Variants in COL4A4 observed in about 807,000 individuals in gnomAD.
COL4A4 encodes the protein collagen alpha-4(IV) chain.
Under a neutral mutation model 192.9 loss-of-function variants are expected in COL4A4, and 105 were observed. That is an observed-to-expected ratio of 0.54 (90% CI 0.46 to 0.64). COL4A4 has a LOEUF of 0.64. COL4A4 is among the 30% of genes least tolerant of loss of function. The pLI is 0.00. For missense variants in COL4A4, 1,967 were observed against 2,169.3 expected (o/e 0.91, Z 1.85); for synonymous variants, 762 against 769.9 (o/e 0.99, Z 0.17).
At chr2:227,115,059 T>G (rs1922020) in intron 7 of COL4A4, among the ~76,000 whole-genome samples, 66,808 of 147,186 alleles carry the variant, frequency 0.45, 15,419 homozygotes, top group East Asian at 0.7. Context: ...TATATATATA[T>G]AGAGAGAGAG....
chr2:226,974,504 T>C, the COL4A4 span, among the ~76,000 whole-genome samples: 121 of 152,350 alleles, frequency 7.9e-4, no homozygotes, highest in African/African-American at 2.8e-3. Context: ...CCCAAAGTGC[T>C]GGGATTACAG....
chr2:227,070,725 G>T (rs71353895), intron 25 of COL4A4, among the ~76,000 whole-genome samples: 19,113 of 126,608 alleles, frequency 0.15, 1,409 homozygotes, highest in African/African-American at 0.25. Context: ...GTTGTGGGGT[G>T]GGGGGAGGGG....
At position 227,121,575 on chromosome 2, in the gene COL4A4, AAG is replaced by A. The variant is rs1553697703; in HGVS notation, c.193-429_193-428del. ...AGACCCTATCTCAAAAAAAAAAAAAAAGAAAAGAAAAGAAAGACAAGAAAAGA... is the reference window on the plus strand; with the variant it reads ...AGACCCTATCTCAAAAAAAAAAAAAAAAAAGAAAAGAAAGACAAGAAAAGA... On this transcript the variant is annotated intron_variant, in intron 4 of 47. Transcript: ENST00000396625. 6.9e-5 allele frequency among the ~76,000 whole-genome samples: 7 copies of A among 101,520 alleles called. 2 individuals carry two copies. Among genetic ancestry groups the A allele is most frequent in the Admixed American group, 4.8e-4 (5 of 10,486 alleles). The allele number at this position is 101,520 out of a possible 152,430, so 66.6% of individuals were successfully genotyped here.
At chr2:227,126,997 G>T (rs1438318843) in intron 4 of COL4A4, among the ~76,000 whole-genome samples, 1 of 152,070 alleles carries the variant, frequency 6.6e-6, no homozygotes, top group African/African-American at 2.4e-5. Flanking sequence ...ATAATCACAG[G>T]AATTTTGCAT....
At chr2:227,141,980 T>A (rs1175177840) in intron 3 of COL4A4, among the ~76,000 whole-genome samples, 1 of 151,610 alleles carries the variant, frequency 6.6e-6, no homozygotes, top group East Asian at 1.9e-4. Context: ...GATGGCTTGA[T>A]AATAAGGGCA....
At chr2:226,994,080 C>T in the COL4A4 span, among the ~76,000 whole-genome samples, 1 of 152,182 alleles carries the variant, frequency 6.6e-6, no homozygotes, top group Non-Finnish European at 1.5e-5. Flanking sequence ...CTTTTGAGAG[C>T]TGGACTGCGG....
At chr2:227,103,937 T>C (rs754182846) in intron 13 of COL4A4, 35 bp downstream of exon 13, 1 of 1,524,504 alleles carries the variant, frequency 6.6e-7, no homozygotes, top group Admixed American at 1.7e-5. Context: ...TTTCTACTGC[T>C]ACTTTCCAAG....
In COL4A4 at chr2:227,140,143, G is replaced by C. The variant is rs1460903210; in HGVS notation, c.192+18C>G. 8 of 1,602,476 alleles carry C rather than the reference G, an allele frequency of 5.0e-6. No individual in the cohort carries two copies. The highest frequency in any genetic ancestry group is 2.7e-5 in the African/African-American group (2 of 74,694). ...AAAATTCAGGAATGCTGCCCATGTT[G>C]GTCTTTACATCACTTACCCGAGACC... On this transcript the variant is annotated intron_variant, in intron 4 of 47. Transcript: ENST00000396625.
chr2:227,080,707 G>C (rs1029788152), intron 23 of COL4A4, among the ~76,000 whole-genome samples, 158 bp from the exon 24 acceptor site: 24 of 152,284 alleles, frequency 1.6e-4, no homozygotes, highest in African/African-American at 5.8e-4. Context: ...AAGCCAGAGG[G>C]GAGAATGACA....
intron 16 of COL4A4, 27 bp from the exon 17 acceptor site, chr2:227,101,584 A>AG: frequency 1.3e-6 from 2 of 1,594,804 alleles, no homozygotes; most frequent in Non-Finnish European, 1.7e-6. Context: ...ACATGCCTTA[A>AG]AAAAAAAAAG....
chr2:227,143,404 T>C (rs1161328017), intron 3 of COL4A4, among the ~76,000 whole-genome samples: 4 of 152,202 alleles, frequency 2.6e-5, no homozygotes, highest in Admixed American at 6.5e-5. Context: ...GGATGGGTAA[T>C]ACCAAATCGC....
At chr2:227,094,044 T>TA (rs1043041429) in intron 20 of COL4A4, 81 bp downstream of exon 20, 2 of 1,350,592 alleles carry the variant, frequency 1.5e-6, no homozygotes, top group African/African-American at 1.5e-5. Flanking sequence ...TAAAATATTT[T>TA]AAAAACTATG....
chr2:227,031,708 G>A (rs1046129916), intron 40 of COL4A4, among the ~76,000 whole-genome samples: 48 of 152,130 alleles, frequency 3.2e-4, no homozygotes, highest in African/African-American at 1.1e-3. Context: ...CTGAAGAGAC[G>A]AGGGTCTAAC....
intron 25 of COL4A4, among the ~76,000 whole-genome samples, chr2:227,068,326 C>G (rs2058480603): frequency 6.6e-6 from 1 of 152,144 alleles, no homozygotes; most frequent in South Asian, 2.1e-4. Flanking sequence ...TGAAACTATT[C>G]CAATCAATAG....
At chr2:227,103,107 C>T (rs2060616628) in intron 14 of COL4A4, 37 bp downstream of exon 14, 1 of 1,508,374 alleles carries the variant, frequency 6.6e-7, no homozygotes, top group Non-Finnish European at 8.9e-7. Flanking sequence ...TAGTACATCA[C>T]ACAAATGAAA....
At position 227,147,550 on chromosome 2, in the gene COL4A4, A is replaced by G; in HGVS notation, c.-67T>C. 7.0e-7 allele frequency: 1 copy of G among 1,422,442 alleles called. No individual in the cohort carries two copies. The highest frequency in any genetic ancestry group is 1.7e-5 in the Admixed American group (1 of 59,680). The allele number at this position is 1,422,442 out of a possible 1,614,324, so 88.1% of individuals were successfully genotyped here. On this transcript the variant is annotated 5_prime_UTR_variant, in exon 2 of 48. Transcript: ENST00000396625. ...TCTCTTCCAGAAGGTTCTTGTTGAC[A>G]AGTGAGGTTCTGTGTTCTGGGTCAA...
chr2:227,007,621 GAC>G (rs749323808), intron 47 of COL4A4, 33 bp from the exon 48 acceptor site: 1 of 1,611,950 alleles, frequency 6.2e-7, no homozygotes, highest in Non-Finnish European at 8.5e-7. Flanking sequence ...TTAGGGCTCA[GAC>G]ACACACAGAC....
the COL4A4 span, among the ~76,000 whole-genome samples, chr2:226,973,927 C>T: frequency 2.3e-4 from 35 of 152,268 alleles, no homozygotes; most frequent in South Asian, 4.6e-3. Context: ...CCTTTTCGTT[C>T]GCATGGGCTC....
rs2063418861 is a variant in COL4A4, at chr2:227,144,527, A to G, written c.103T>C (p.Tyr35His). ...SLILILFSVQYVYGSGKKYIG... is the reference protein window; with the variant it reads ...SLILILFSVQHVYGSGKKYIG... ...GTGAATGTACTTACCCCATATACATATTGTACAGAAAAGAGAATGAGTATA... is the reference window on the plus strand; with the variant it reads ...GTGAATGTACTTACCCCATATACATGTTGTACAGAAAAGAGAATGAGTATA... The change falls in exon 3 of 48, where the codon TAT becomes CAT. Residue 35 changes from tyrosine (Y) to histidine (H), a missense_variant. Coordinates refer to ENST00000396625, the MANE Select transcript of COL4A4 (RefSeq NM_000092.5). 4 of 1,610,202 alleles carry G rather than the reference A, an allele frequency of 2.5e-6. No homozygotes were observed. The highest frequency in any genetic ancestry group is 8.5e-7 in the Non-Finnish European group (1 of 1,176,546).
Sources: allele counts gnomAD v4.1 joint callset (sites outside exome capture counted in the v4.1 genomes callset), GRCh38; gene constraint gnomAD v4.1.1; transcripts MANE v1.5; gene names NCBI Gene and HGNC (gene_info 2026-07-23, HGNC 2026-07-21).